HS3ST2: variants seen among roughly 807,000 people sequenced by gnomAD.
The protein encoded by HS3ST2 is heparan sulfate-glucosamine 3-sulfotransferase 2.
In HS3ST2, 17 loss-of-function variants were observed where a neutral mutation model predicts 26.3. The ratio of observed to expected loss-of-function variants is 0.65; its 90% confidence interval spans 0.44 to 0.97. The LOEUF (loss-of-function observed/expected upper bound fraction) is 0.97. HS3ST2 is among the 50% of genes least tolerant of loss of function. HS3ST2 has a pLI of 0.00. For synonymous variants in HS3ST2, 237 were observed against 219.2 expected (o/e 1.08, Z -0.72); for missense variants, 402 against 501.2 (o/e 0.80, Z 1.89).
chr16:22,833,216 G>A (rs1901201203), intron 1 of HS3ST2: 2 of 455,904 alleles, frequency 4.4e-6, no homozygotes, highest in African/African-American at 4.0e-5. Flanking sequence ...AGGCACCCCT[G>A]CATTCTTCCA....
At chr16:22,890,597 G>T (rs1902114966) in intron 1 of HS3ST2, among the ~76,000 whole-genome samples, 1 of 152,140 alleles carries the variant, frequency 6.6e-6, no homozygotes, top group Non-Finnish European at 1.5e-5. Context: ...CCAGTACCAG[G>T]CACTGTACAA....
intron 1 of HS3ST2, among the ~76,000 whole-genome samples, chr16:22,870,097 C>A (rs752089133): frequency 6.6e-6 from 1 of 152,124 alleles, no homozygotes; most frequent in Non-Finnish European, 1.5e-5. Context: ...GAGATTTATA[C>A]CCCCTTCTAG....
chr16:22,842,149 C>T (rs908595788), intron 1 of HS3ST2, among the ~76,000 whole-genome samples: 25 of 150,680 alleles, frequency 1.7e-4, no homozygotes, highest in African/African-American at 5.9e-4. Context: ...GCAAGCTCCA[C>T]CTCCTGGGTC....
At chr16:22,820,292 A>G (rs889860033) in intron 1 of HS3ST2, among the ~76,000 whole-genome samples, 1 of 152,178 alleles carries the variant, frequency 6.6e-6, no homozygotes, top group Admixed American at 6.5e-5. Flanking sequence ...GGGCAACAAG[A>G]ATTGTCATTG....
chr16:22,909,143 A>G (rs1596633838), intron 1 of HS3ST2, among the ~76,000 whole-genome samples: 1 of 152,220 alleles, frequency 6.6e-6, no homozygotes. Context: ...ATTGGTTCCT[A>G]ATAGCCTAAC....
At chr16:22,875,867 T>C (rs958531567) in intron 1 of HS3ST2, among the ~76,000 whole-genome samples, 1 of 152,210 alleles carries the variant, frequency 6.6e-6, no homozygotes, top group African/African-American at 2.4e-5. Context: ...TTTTCCTGTA[T>C]TTAGATACAC....
intron 1 of HS3ST2, among the ~76,000 whole-genome samples, chr16:22,876,790 T>C (rs953807807): frequency 2.6e-5 from 4 of 152,202 alleles, no homozygotes. Context: ...CATGGAATAC[T>C]ACTCAGCCAT....
At chr16:22,885,653 A>G (rs956855563) in intron 1 of HS3ST2, among the ~76,000 whole-genome samples, 1 of 151,232 alleles carries the variant, frequency 6.6e-6, no homozygotes, top group African/African-American at 2.4e-5. Flanking sequence ...ACGGGCCTTC[A>G]CCGTGTTGGC....
chr16:22,882,126 G>A (rs34491709), intron 1 of HS3ST2, among the ~76,000 whole-genome samples: 931 of 152,330 alleles, frequency 6.1e-3, no homozygotes, highest in Non-Finnish European at 9.3e-3. Flanking sequence ...TGGGGAGGCC[G>A]AGGTGGGAGG....
intron 1 of HS3ST2, among the ~76,000 whole-genome samples, chr16:22,870,372 G>A (rs1179160763): frequency 1.3e-5 from 2 of 152,062 alleles, no homozygotes; most frequent in African/African-American, 4.8e-5. Flanking sequence ...TGGATGACTG[G>A]GTGCAGCTTC....
intron 1 of HS3ST2, among the ~76,000 whole-genome samples, chr16:22,868,078 A>G (rs1429625281): frequency 6.6e-6 from 1 of 152,182 alleles, no homozygotes; most frequent in Non-Finnish European, 1.5e-5. Context: ...CACATGCACA[A>G]AAATTACACA....
intron 1 of HS3ST2, among the ~76,000 whole-genome samples, chr16:22,910,411 T>C (rs1902411330): frequency 6.6e-6 from 1 of 152,192 alleles, no homozygotes; most frequent in Non-Finnish European, 1.5e-5. Context: ...ACTTATGTAA[T>C]TTCATCTATT....
At chr16:22,861,027 C>G (rs953097376) in intron 1 of HS3ST2, among the ~76,000 whole-genome samples, 1 of 151,892 alleles carries the variant, frequency 6.6e-6, no homozygotes, top group African/African-American at 2.4e-5. Context: ...CAAGCACCCA[C>G]CACACCTATA....
intron 1 of HS3ST2, among the ~76,000 whole-genome samples, chr16:22,885,462 GT>G (rs537239881): frequency 1.6e-4 from 23 of 144,396 alleles, no homozygotes; most frequent in South Asian, 4.4e-4. Flanking sequence ...TCTTTTCTTT[GT>G]TTTTTTTTTT....
chr16:22,914,938 A>G lies in HS3ST2; in HGVS notation c.486-6A>G. On this transcript the variant is annotated splice_region_variant and splice_polypyrimidine_tract_variant and intron_variant, in intron 1 of 1. Transcript: ENST00000261374. Reference sequence around the variant, plus strand: ...ATTTGATGATGTATTCCTTCTGCCCACACAGGAGCCTGATGCCCAGGACCC... The same window carrying G: ...ATTTGATGATGTATTCCTTCTGCCCGCACAGGAGCCTGATGCCCAGGACCC... 1 of 1,606,598 alleles carries G rather than the reference A, an allele frequency of 6.2e-7. No homozygotes were observed. Among genetic ancestry groups the G allele is most frequent in the Non-Finnish European group, 8.5e-7 (1 of 1,178,096 alleles).
At position 22,915,676 on chromosome 16, in the gene HS3ST2, A is replaced by G. The variant is rs558303351; in HGVS notation, c.*114A>G. On this transcript the variant is annotated 3_prime_UTR_variant, in exon 2 of 2. Transcript: ENST00000261374. ...ACCCTGGCTCCAGCCCCCTTTCCCAACTTGAGTTGCATCATCTTGGAACCA... is the reference window on the plus strand; with the variant it reads ...ACCCTGGCTCCAGCCCCCTTTCCCAGCTTGAGTTGCATCATCTTGGAACCA... 57 of 1,175,896 alleles carry G rather than the reference A, an allele frequency of 4.8e-5. 1 individual carries two copies. Among genetic ancestry groups the G allele is most frequent in the South Asian group, 4.6e-4 (30 of 65,152 alleles). 72.8% of individuals were successfully genotyped at this position (1,175,896 alleles called of 1,614,324 possible).
intron 1 of HS3ST2, among the ~76,000 whole-genome samples, chr16:22,852,516 T>G (rs1901531872): frequency 6.6e-6 from 1 of 152,078 alleles, no homozygotes; most frequent in African/African-American, 2.4e-5. Flanking sequence ...GTGTACTAGT[T>G]CTTAGACACC....
intron 1 of HS3ST2, among the ~76,000 whole-genome samples, chr16:22,887,088 G>C (rs1380580681): frequency 1.3e-5 from 2 of 152,076 alleles, no homozygotes; most frequent in Non-Finnish European, 2.9e-5. Context: ...CAATTCATCA[G>C]AGTCCCTAGC....
intron 1 of HS3ST2, among the ~76,000 whole-genome samples, chr16:22,846,644 T>G (rs528265390): frequency 6.6e-6 from 1 of 152,288 alleles, no homozygotes; most frequent in South Asian, 2.1e-4. Context: ...GTTGGAGTCA[T>G]GAGAGGTTCG....
Sources: allele counts gnomAD v4.1 joint callset (sites outside exome capture counted in the v4.1 genomes callset), GRCh38; gene constraint gnomAD v4.1.1; transcripts MANE v1.5; gene names NCBI Gene and HGNC (gene_info 2026-07-23, HGNC 2026-07-21).